TEX9: variants seen among roughly 807,000 people sequenced by gnomAD.
TEX9 encodes the protein testis expressed 9.
TEX9 carries 74 observed loss-of-function variants against 59.6 expected under a neutral mutation model. The observed-to-expected ratio is 1.24, with a 90% CI of 1.03 to 1.51. The LOEUF (loss-of-function observed/expected upper bound fraction) is 1.51. TEX9 is among the 40% of genes most tolerant of loss of function. The pLI, the probability that TEX9 is intolerant of heterozygous loss-of-function variation, is 0.00. For missense variants in TEX9, 522 were observed against 447.8 expected (o/e 1.17, Z -1.49); for synonymous variants, 186 against 152.2 (o/e 1.22, Z -1.64).
In TEX9 at chr15:56,280,839, C is replaced by A. The variant is rs75257587; in HGVS notation, c.-107+36561C>A. Among the ~76,000 whole-genome samples the A allele has an allele frequency of 2.7e-3, 405 of 152,262 alleles. 2 individuals carry two copies. The highest frequency in any genetic ancestry group is 9.2e-3 in the African/African-American group (381 of 41,554). ...TTAATTAGAAAAATCAATGTTATTG[C>A]AAAGCCAGATGAATAACTTACGCCT... On this transcript the variant is annotated intron_variant, in intron 1 of 5. Coordinates refer to the TEX9 transcript ENST00000560827.
At chr15:56,441,060 G>T (rs113199989) in intron 12 of TEX9, among the ~76,000 whole-genome samples, 17 of 152,116 alleles carry the variant, frequency 1.1e-4, no homozygotes, top group African/African-American at 4.1e-4. Flanking sequence ...TTAACTGCAC[G>T]TCACATATTT....
At chr15:56,421,643 A>G in intron 10 of TEX9, 1 of 151,452 alleles carries the variant, frequency 6.6e-6, no homozygotes, top group Non-Finnish European at 1.5e-5. Context: ...CAGTCTCCAG[A>G]GTGTGATGTT....
rs187816539 is a variant in TEX9 at position 56,379,870 on chromosome 15, G to A, written c.184-4082G>A. Among the ~76,000 whole-genome samples the A allele has an allele frequency of 4.3e-3, 493 of 114,616 alleles. 2 individuals carry two copies. Among genetic ancestry groups the A allele is most frequent in the Non-Finnish European group, 7.2e-3 (392 of 54,164 alleles). 75.2% of individuals were successfully genotyped at this position (114,616 alleles called of 152,430 possible). On this transcript the variant is annotated intron_variant, in intron 3 of 12. Coordinates refer to ENST00000352903, the Ensembl canonical transcript of TEX9. Reference sequence around the variant, plus strand: ...ATAGGTTCTCCTGCTTTTTTTTTTTGGTGTAGAATATCTTTTTCTACCCTT... The same window carrying A: ...ATAGGTTCTCCTGCTTTTTTTTTTTAGTGTAGAATATCTTTTTCTACCCTT...
At chr15:56,420,236 T>G (rs2049910921) in intron 10 of TEX9, among the ~76,000 whole-genome samples, 1 of 151,770 alleles carries the variant, frequency 6.6e-6, no homozygotes, top group African/African-American at 2.4e-5. Context: ...TTTATTTTTT[T>G]TATTGATTTC....
chr15:56,318,651 A>G (rs1214622376), intron 1 of TEX9, among the ~76,000 whole-genome samples: 2 of 152,098 alleles, frequency 1.3e-5, no homozygotes, highest in African/African-American at 4.8e-5. Context: ...TATCTAGCAT[A>G]TAATTTTAAT....
chr15:56,391,494 C>A, intron 7 of TEX9, 76 bp downstream of exon 7: 2 of 1,053,232 alleles, frequency 1.9e-6, no homozygotes, highest in Non-Finnish European at 2.6e-6. Flanking sequence ...GGAACTATTT[C>A]TTCCATTTAA....
intron 12 of TEX9, among the ~76,000 whole-genome samples, chr15:56,433,263 G>A (rs77243098): frequency 6.6e-6 from 1 of 151,060 alleles, no homozygotes; most frequent in Admixed American, 6.6e-5. Flanking sequence ...GTCGGGGGGT[G>A]GGGGGGACAA....
chr15:56,443,991 C>G, intron 12 of TEX9: 1 of 691,242 alleles, frequency 1.4e-6, no homozygotes, highest in Non-Finnish European at 2.3e-6. Flanking sequence ...TGAATGCTTA[C>G]TGTGTGCTAA....
intron 1 of TEX9, among the ~76,000 whole-genome samples, chr15:56,301,764 C>T (rs1428191525): frequency 6.6e-6 from 1 of 152,084 alleles, no homozygotes; most frequent in Non-Finnish European, 1.5e-5. Flanking sequence ...ACTTCATCAG[C>T]ACCAGCCTTG....
At chr15:56,274,240 A>T (rs577903209) in intron 1 of TEX9, among the ~76,000 whole-genome samples, 1 of 152,026 alleles carries the variant, frequency 6.6e-6, no homozygotes, top group South Asian at 2.1e-4. Context: ...AATTTCACTG[A>T]CTTTCCTTGA....
chr15:56,275,962 A>G (rs2044658382), intron 1 of TEX9, among the ~76,000 whole-genome samples: 1 of 152,106 alleles, frequency 6.6e-6, no homozygotes, highest in African/African-American at 2.4e-5. Context: ...TACATATGCC[A>G]TTCTATTGCC....
At chr15:56,283,396 T>C (rs2044866730) in intron 1 of TEX9, among the ~76,000 whole-genome samples, 1 of 152,206 alleles carries the variant, frequency 6.6e-6, no homozygotes, top group South Asian at 2.1e-4. Flanking sequence ...AAGCATATTA[T>C]AACTGTGCAG....
At chr15:56,456,391 T>G in the TEX9 span, 3 of 1,601,038 alleles carry the variant, frequency 1.9e-6, no homozygotes, top group Non-Finnish European at 2.5e-6. Context: ...GAAACCAAGA[T>G]ACCTGTTTTC....
chr15:56,319,516 G>A (rs151228448), intron 1 of TEX9, among the ~76,000 whole-genome samples: 2 of 152,110 alleles, frequency 1.3e-5, no homozygotes, highest in East Asian at 1.9e-4. Flanking sequence ...TAATAAAAAG[G>A]TACCCTTTCA....
chr15:56,405,838 A>G (rs1450245078), intron 9 of TEX9, among the ~76,000 whole-genome samples: 1 of 152,174 alleles, frequency 6.6e-6, no homozygotes, highest in African/African-American at 2.4e-5. Context: ...ATTATGTATC[A>G]CTTAAGCTGC....
chr15:56,389,684 A>G (rs956678556), intron 6 of TEX9, among the ~76,000 whole-genome samples: 1 of 135,412 alleles, frequency 7.4e-6, no homozygotes, highest in African/African-American at 2.5e-5. Context: ...TAGAACTGTG[A>G]CTACAACTGG....
chr15:56,254,283 A>G (rs2044094719), intron 1 of TEX9, among the ~76,000 whole-genome samples: 1 of 152,038 alleles, frequency 6.6e-6, no homozygotes, highest in African/African-American at 2.4e-5. Flanking sequence ...GAGGTAGGAT[A>G]AATTTCAGGG....
intron 1 of TEX9, among the ~76,000 whole-genome samples, chr15:56,338,733 A>G (rs1196513246): frequency 6.6e-6 from 1 of 152,086 alleles, no homozygotes; most frequent in Non-Finnish European, 1.5e-5. Flanking sequence ...TATGGCCAAC[A>G]TGGTGAAAGC....
At chr15:56,292,870 G>A (rs2045128905) in intron 1 of TEX9, among the ~76,000 whole-genome samples, 1 of 152,136 alleles carries the variant, frequency 6.6e-6, no homozygotes, top group African/African-American at 2.4e-5. Context: ...TGTGGGATCA[G>A]GCTATGGCTA....
Sources: gnomAD v4.1 joint callset for allele counts (sites outside exome capture counted in the v4.1 genomes callset) on GRCh38, gnomAD v4.1.1 for gene constraint, MANE v1.5 for transcripts, NCBI Gene and HGNC (gene_info 2026-07-23, HGNC 2026-07-21) for gene names.